The following SPTA1 variants were observed in gnomAD, a reference collection of about 807,000 sequenced individuals.
SPTA1 encodes the protein spectrin alpha, erythrocytic 1.
A neutral mutation model predicts 324.7 loss-of-function variants in SPTA1; 177 were observed. The ratio of observed to expected loss-of-function variants is 0.55; its 90% CI spans 0.48 to 0.62. The LOEUF (loss-of-function observed/expected upper bound fraction) is 0.62. SPTA1 is among the 20% of genes least tolerant of loss of function. The pLI is 0.00. For synonymous variants in SPTA1, 1,195 were observed against 1,041.3 expected, an observed-to-expected ratio of 1.15 and a Z score of -2.84; for missense variants, 3,162 against 2,883.6, an observed-to-expected ratio of 1.10 and a Z score of -2.21.
Position 158,676,142 on chromosome 1 carries a change from A to G in SPTA1, c.1111T>C (p.Trp371Arg). Residue 371 changes from tryptophan (W) to arginine (R), a missense_variant and splice_region_variant, in exon 8 of 52, where the codon TGG (tryptophan) becomes CGG (arginine). Coordinates refer to ENST00000643759, the MANE Select transcript of SPTA1 (RefSeq NM_003126.4). ...SRYEKLQATY[W>R]YHRFSSDFDE... ...CAATAAAGGGGAGGGATTTCCCACC[A>G]ATAAGTAGCCTGCAGTTTTTCATAT... 3.1e-6 allele frequency: 5 copies of G among 1,613,512 alleles called. No individual in the cohort carries two copies. The highest frequency in any genetic ancestry group is 4.2e-6 in the Non-Finnish European group (5 of 1,179,608).
rs762970739 is a variant in SPTA1, at chr1:158,678,441, T to G, written c.772A>C (p.Lys258Gln). ...AAGTTTGCAGCATTGGACAGAGCTT[T>G]CTGTCTCTGGAGAGCCAAACCACGA... Reference protein sequence around the residue: ...RLRGLALQRQKALSNAANLQR... With the variant: ...RLRGLALQRQQALSNAANLQR... The change falls in exon 6 of 52, where the codon AAA becomes CAA. Residue 258 changes from lysine (K) to glutamine (Q), a missense_variant. Lys to Gln is a moderately conservative substitution (Grantham distance 53). Transcript: ENST00000643759. 1 of 1,613,794 alleles carries G rather than the reference T, an allele frequency of 6.2e-7. No homozygotes were observed. Among genetic ancestry groups the G allele is most frequent in the African/African-American group, 1.3e-5 (1 of 75,014 alleles).
intron 26 of SPTA1, 119 bp from the exon 27 acceptor site, chr1:158,647,839 G>A: frequency 9.3e-7 from 1 of 1,070,362 alleles, no homozygotes; most frequent in South Asian, 1.5e-5. Flanking sequence ...GTACAAGTAT[G>A]TCATCATACT....
chr1:158,642,592 C>T (rs772579224), intron 32 of SPTA1, 50 bp from the exon 33 acceptor site: 1 of 1,607,956 alleles, frequency 6.2e-7, no homozygotes, highest in South Asian at 1.1e-5. Flanking sequence ...TTTATGGTGA[C>T]AAGATAAGGT....
In SPTA1 at chr1:158,669,528, A is replaced by C. The variant is rs1653852805; in HGVS notation, c.1713T>G (p.Ala571=). The C allele has an allele frequency of 6.2e-7, 1 of 1,614,142 alleles. No individual in the cohort carries two copies. Among genetic ancestry groups the C allele is most frequent in the Non-Finnish European group, 8.5e-7 (1 of 1,179,998 alleles). ...CCTTCAGCAATCTACGTCTAGTGGCAGCCTTTTCACGTAGGGCATCCCGCC... is the reference window on the plus strand; with the variant it reads ...CCTTCAGCAATCTACGTCTAGTGGCCGCCTTTTCACGTAGGGCATCCCGCC... ...LARRDALREK[A]ATRRRLLKES... The change falls in exon 14 of 52, where the codon GCT becomes GCG. Residue 571 remains alanine, a synonymous_variant. Transcript: ENST00000643759.
At chr1:158,667,182 C>T (rs1202003739) in intron 15 of SPTA1, among the ~76,000 whole-genome samples, 1 of 152,054 alleles carries the variant, frequency 6.6e-6, no homozygotes, top group East Asian at 1.9e-4. Flanking sequence ...ATCAGTATGA[C>T]ATATTTATTC....
chr1:158,671,303 A>G (rs778727870), intron 12 of SPTA1, 40 bp downstream of exon 12: 1 of 1,459,922 alleles, frequency 6.8e-7, no homozygotes, highest in Non-Finnish European at 9.6e-7. Context: ...TTATGTATAC[A>G]GAGAGGGAGC....
At chr1:158,620,087 T>A in intron 44 of SPTA1, 83 bp downstream of exon 44, 1 of 1,525,144 alleles carries the variant, frequency 6.6e-7, no homozygotes, top group Non-Finnish European at 9.1e-7. Flanking sequence ...GTGTTCCTTC[T>A]ATGTCAAAAG....
intron 30 of SPTA1, 106 bp from the exon 31 acceptor site, chr1:158,643,531 A>G: frequency 9.1e-7 from 1 of 1,102,312 alleles, no homozygotes; most frequent in East Asian, 2.5e-5. Context: ...GTGGATTCAG[A>G]AGATATACTC....
At chr1:158,612,756 T>C in intron 51 of SPTA1, 61 bp downstream of exon 51, 1 of 1,599,716 alleles carries the variant, frequency 6.3e-7, no homozygotes, top group Non-Finnish European at 8.6e-7. Context: ...CCACCGGGCC[T>C]GAGATGACCA....
Position 158,613,785 on chromosome 1 carries a change from T to A in SPTA1, c.6925A>T (p.Met2309Leu), listed in dbSNP as rs544393581. The A allele has an allele frequency of 6.2e-7, 1 of 1,613,874 alleles. No homozygotes were observed. Among genetic ancestry groups the A allele is most frequent in the Non-Finnish European group, 8.5e-7 (1 of 1,179,862 alleles). ...CLRGLNYYLPMVEEDEHEPKF... is the reference protein window; with the variant it reads ...CLRGLNYYLPLVEEDEHEPKF... ...GGCTCATGTTCATCCTCCTCCACCATGGGCAAGTAGTAATTGAGTCCTCTC... is the reference window on the plus strand; with the variant it reads ...GGCTCATGTTCATCCTCCTCCACCAAGGGCAAGTAGTAATTGAGTCCTCTC... Residue 2309 changes from methionine to leucine, a missense_variant, in exon 50 of 52, where the codon ATG becomes TTG. Met to Leu is a conservative substitution (Grantham distance 15, BLOSUM62 2). Coordinates refer to ENST00000643759, the MANE Select transcript of SPTA1 (RefSeq NM_003126.4).
chr1:158,613,067 A>G, intron 50 of SPTA1, 106 bp from the exon 51 acceptor site: 1 of 1,258,028 alleles, frequency 7.9e-7, no homozygotes, highest in Admixed American at 1.9e-5. Flanking sequence ...CAGATTCTCC[A>G]AGTGCCTCTT....
intron 12 of SPTA1, 48 bp from the exon 13 acceptor site, chr1:158,669,834 G>C (rs1200397405): frequency 1.3e-6 from 2 of 1,573,572 alleles, no homozygotes; most frequent in African/African-American, 1.3e-5. Flanking sequence ...AGTGACCACT[G>C]AGTAAGTGGC....
chr1:158,660,234 C>T (rs909841081), intron 18 of SPTA1, among the ~76,000 whole-genome samples: 2 of 152,000 alleles, frequency 1.3e-5, no homozygotes, highest in Non-Finnish European at 2.9e-5. Flanking sequence ...AGAAAAATTA[C>T]CAGATTGAAT....
At chr1:158,675,476 T>G (rs1654329688) in intron 8 of SPTA1, among the ~76,000 whole-genome samples, 1 of 152,128 alleles carries the variant, frequency 6.6e-6, no homozygotes, top group South Asian at 2.1e-4. Context: ...GTGATGCTGA[T>G]CACAGGAGTC....
At position 158,635,920 on chromosome 1, in the gene SPTA1, T is replaced by C; in HGVS notation, c.5425A>G (p.Lys1809Glu). The C allele has an allele frequency of 6.2e-7, 1 of 1,614,182 alleles. No homozygotes were observed. Among genetic ancestry groups the C allele is most frequent in the South Asian group, 1.1e-5 (1 of 91,082 alleles). ...EHWEKLKELA[K>E]ARGLKLEESL... The stretch of plus-strand genomic sequence containing the variant: ...CTTCTGTATCCCACTCACCGGGCCT[T>C]GGCCAACTCTTTGAGCTTCTCCCAG... Residue 1809 changes from lysine to glutamate, a missense_variant, in exon 38 of 52, where the codon AAG (lysine) becomes GAG (glutamate). Lys to Glu is a moderately conservative substitution (Grantham distance 56, BLOSUM62 1). Coordinates refer to ENST00000643759, the MANE Select transcript of SPTA1 (RefSeq NM_003126.4).
Position 158,674,413 on chromosome 1 carries a change from G to A in SPTA1, c.1266C>T (p.Tyr422=), listed in dbSNP as rs369020197. The A allele has an allele frequency of 1.2e-4, 195 of 1,614,060 alleles. 1 individual carries two copies. The highest frequency in any genetic ancestry group is 7.5e-4 in the South Asian group (68 of 91,080). The change falls in exon 10 of 52, where the codon TAC becomes TAT. Residue 422 remains tyrosine, a synonymous_variant. Transcript: ENST00000643759. ...CATCAGCAGATTGAAATCGGTCATC[G>A]TAAGAGTCAATCTCATGCTGTGGCC... The part of the protein sequence containing the change: ...HQQHKHEIDS[Y]DDRFQSADET...
At chr1:158,620,721 G>A (rs1044929201) in intron 43 of SPTA1, 22 of 385,304 alleles carry the variant, frequency 5.7e-5, no homozygotes, top group Admixed American at 2.1e-4. Context: ...GAGGGAGGTC[G>A]AATTATTTCT....
intron 29 of SPTA1, among the ~76,000 whole-genome samples, 199 bp downstream of exon 29, chr1:158,644,989 C>T (rs1292040821): frequency 6.6e-6 from 1 of 152,162 alleles, no homozygotes; most frequent in Non-Finnish European, 1.5e-5. Flanking sequence ...TCTTGTTTGG[C>T]TCTTCTAACA....
intron 3 of SPTA1, among the ~76,000 whole-genome samples, chr1:158,682,603 A>G (rs1314610289): frequency 2.0e-5 from 3 of 152,190 alleles, no homozygotes; most frequent in Non-Finnish European, 4.4e-5. Flanking sequence ...TATGCTATAT[A>G]TAGAAAGGCC....
Sources: allele counts gnomAD v4.1 joint callset (sites outside exome capture counted in the v4.1 genomes callset), GRCh38; gene constraint gnomAD v4.1.1; transcripts MANE v1.5; gene names NCBI Gene and HGNC (gene_info 2026-07-23, HGNC 2026-07-21).